MANBA: variants seen among roughly 807,000 people sequenced by gnomAD.
MANBA encodes mannosidase beta.
In MANBA, 83 loss-of-function variants were observed where a neutral mutation model predicts 111.1. The observed-to-expected ratio is 0.75, with a 90% confidence interval of 0.63 to 0.90. The LOEUF is 0.90. Ranked by LOEUF, MANBA falls within the 40% of genes least tolerant of loss-of-function variation. The pLI is 0.00. For synonymous variants in MANBA, 370 were observed against 378.7 expected, an observed-to-expected ratio of 0.98 and a Z score of 0.27; for missense variants, 1,036 against 1,069.0, an observed-to-expected ratio of 0.97 and a Z score of 0.43.
intron 5 of MANBA, among the ~76,000 whole-genome samples, chr4:102,704,369 A>G (rs1456343680): frequency 6.6e-6 from 1 of 152,030 alleles, no homozygotes; most frequent in Non-Finnish European, 1.5e-5. Context: ...TGTAGAGACA[A>G]TGTCTGCTCA....
rs1731990326 is a variant in MANBA, at chr4:102,681,816, C to G, written c.961-7746G>C. 2.0e-5 allele frequency among the ~76,000 whole-genome samples: 3 copies of G among 152,122 alleles called. No homozygotes were observed. In the South Asian group the frequency reaches 6.2e-4, roughly 31 times the overall value. The stretch of plus-strand genomic sequence containing the variant: ...TTGCTTTCAAAATGACTGTATGAAG[C>G]TGAATCTTCATGTATCCGGGAATGA... On this transcript the variant is annotated intron_variant, in intron 7 of 16. Transcript: ENST00000647097.
intron 5 of MANBA, 79 bp downstream of exon 5, chr4:102,714,359 C>G: frequency 7.5e-7 from 1 of 1,325,562 alleles, no homozygotes; most frequent in Non-Finnish European, 1.1e-6. Flanking sequence ...GAAAAACATA[C>G]CTCTGTATTT....
intron 5 of MANBA, among the ~76,000 whole-genome samples, chr4:102,709,574 A>AGAACTAATACCAATTCCACAC: frequency 6.6e-6 from 1 of 152,200 alleles, no homozygotes; most frequent in Non-Finnish European, 1.5e-5. Flanking sequence ...GTTACAACGA[A>AGAACTAATACCAATTCCACAC]GAACTAATAC....
Position 102,631,486 on chromosome 4 carries a change from T to C in MANBA, c.*571A>G, listed in dbSNP as rs1183905766. On this transcript the variant is annotated 3_prime_UTR_variant, in exon 17 of 17. Transcript: ENST00000647097. ...ACGGTTAAATAAGCCACAGATGAAA[T>C]ATCAAGTTGTCAATGTAATTTATAT... 2.8e-6 allele frequency: 1 copy of C among 351,082 alleles called. No homozygotes were observed. The highest frequency in any genetic ancestry group is 5.0e-6 in the Non-Finnish European group (1 of 198,426). 21.7% of individuals were successfully genotyped at this position (351,082 alleles called of 1,614,324 possible). A position where few individuals can be genotyped will look rare whatever the true frequency, so the allele number is the denominator to read the frequency against.
intron 5 of MANBA, among the ~76,000 whole-genome samples, chr4:102,691,655 G>C (rs1482567809): frequency 2.0e-5 from 3 of 151,866 alleles, no homozygotes; most frequent in South Asian, 2.1e-4. Context: ...ATAGGCATGT[G>C]CCACTCACCT....
intron 7 of MANBA, among the ~76,000 whole-genome samples, chr4:102,680,087 C>G (rs1731895273): frequency 6.6e-6 from 1 of 152,216 alleles, no homozygotes; most frequent in African/African-American, 2.4e-5. Flanking sequence ...ATGTGGATTT[C>G]TCTGAGCAAT....
At chr4:102,706,271 T>C (rs1578922303) in intron 5 of MANBA, among the ~76,000 whole-genome samples, 1 of 152,128 alleles carries the variant, frequency 6.6e-6, no homozygotes, top group Non-Finnish European at 1.5e-5. Context: ...GATGACCCCA[T>C]CCCCAGCAAA....
In MANBA at chr4:102,664,831, G is replaced by A. The variant is rs755785845; in HGVS notation, c.1339C>T (p.Pro447Ser). 18 of 1,606,784 alleles carry A rather than the reference G, an allele frequency of 1.1e-5. No homozygotes were observed. In the East Asian group the frequency reaches 3.8e-4, roughly 34 times the overall value. ...TTGCCACTCCATATGATGATAGAAG[G>A]ATGAGATTTCAGTCTCTTGATCTGA... ...AYQIKRLKSH[P>S]SIIIWSGNNE... Residue 447 changes from proline (P) to serine (S), a missense_variant, in exon 11 of 17, where the codon CCT becomes TCT. By Grantham distance (74) the Pro-to-Ser change is moderately conservative (BLOSUM62 -1). Transcript: ENST00000647097.
chr4:102,760,921 G>A lies in MANBA; in HGVS notation c.-27C>T. On this transcript the variant is annotated 5_prime_UTR_variant, in exon 1 of 17. Transcript: ENST00000647097. ...TTGAGATCCCGCGCCACCGAGATGT[G>A]GAGAGATCGAAAGGCAGCGCTGCAA... 6.5e-7 allele frequency: 1 copy of A among 1,546,710 alleles called. No individual in the cohort carries two copies. The highest frequency in any genetic ancestry group is 8.7e-7 in the Non-Finnish European group (1 of 1,150,620).
chr4:102,641,978 A>G (rs989418549), intron 13 of MANBA, among the ~76,000 whole-genome samples: 16 of 151,868 alleles, frequency 1.1e-4, no homozygotes, highest in African/African-American at 3.6e-4. Context: ...GGCACAGTGC[A>G]GTACACTCCA....
intron 7 of MANBA, among the ~76,000 whole-genome samples, chr4:102,688,045 T>C (rs557728994): frequency 1.3e-5 from 2 of 152,288 alleles, no homozygotes; most frequent in South Asian, 2.1e-4. Flanking sequence ...AATACAGTCA[T>C]ATTAGCCTGA....
chr4:102,729,281 C>T (rs1335036124), intron 1 of MANBA: 1 of 752,928 alleles, frequency 1.3e-6, no homozygotes, highest in Non-Finnish European at 2.5e-6. Flanking sequence ...TGCAGGTCAT[C>T]CTCGTGCTTC....
chr4:102,667,489 G>A (rs886817015), intron 10 of MANBA: 1 of 152,142 alleles, frequency 6.6e-6, no homozygotes, highest in Non-Finnish European at 1.5e-5. Context: ...AGAGTGCACT[G>A]GGGAAAAGAT....
At chr4:102,733,096 A>G (rs1560804715) in intron 1 of MANBA, among the ~76,000 whole-genome samples, 1 of 152,226 alleles carries the variant, frequency 6.6e-6, no homozygotes, top group Non-Finnish European at 1.5e-5. Context: ...AAAGAGGCCA[A>G]TCTGAAAAAC....
chr4:102,651,084 C>T (rs1730312599), intron 12 of MANBA, among the ~76,000 whole-genome samples: 1 of 151,722 alleles, frequency 6.6e-6, no homozygotes, highest in African/African-American at 2.4e-5. Flanking sequence ...TTTGTCAAAA[C>T]TTAATAGAAT....
At chr4:102,642,705 A>G (rs1729936658) in intron 13 of MANBA, among the ~76,000 whole-genome samples, 1 of 152,218 alleles carries the variant, frequency 6.6e-6, no homozygotes, top group African/African-American at 2.4e-5. Context: ...GGTGAGAAGA[A>G]ATTGGATCAA....
intron 5 of MANBA, among the ~76,000 whole-genome samples, chr4:102,695,982 CT>C (rs1051116389): frequency 2.0e-5 from 3 of 152,032 alleles, no homozygotes; most frequent in Non-Finnish European, 2.9e-5. Context: ...AGTCCCAGCA[CT>C]TTGGTAGGCT....
At chr4:102,718,272 T>A (rs1722420714) in intron 4 of MANBA, among the ~76,000 whole-genome samples, 1 of 152,136 alleles carries the variant, frequency 6.6e-6, no homozygotes, top group Non-Finnish European at 1.5e-5. Context: ...GAGCTTTAGG[T>A]CCCTGTGAAT....
rs1412215813 is a variant in MANBA, at chr4:102,729,358, T to C, written c.178-2675A>G. On this transcript the variant is annotated intron_variant, in intron 1 of 16. Transcript: ENST00000647097. ...GCTCTCAGCCTTGGCCTGGCTGCAGTTGGCGATCTCCTCGTATGGTGCCTT... is the reference window on the plus strand; with the variant it reads ...GCTCTCAGCCTTGGCCTGGCTGCAGCTGGCGATCTCCTCGTATGGTGCCTT... 4.2e-5 allele frequency: 32 copies of C among 769,170 alleles called. 1 individual carries two copies. Among genetic ancestry groups the C allele is most frequent in the Admixed American group, 3.9e-4 (22 of 56,868 alleles). The allele number at this position is 769,170 out of a possible 1,614,324, so 47.6% of individuals were successfully genotyped here. A position where few individuals can be genotyped will look rare whatever the true frequency, so the allele number is the denominator to read the frequency against.
Sources: allele counts gnomAD v4.1 joint callset (sites outside exome capture counted in the v4.1 genomes callset), GRCh38; gene constraint gnomAD v4.1.1; transcripts MANE v1.5; gene names NCBI Gene and HGNC (gene_info 2026-07-23, HGNC 2026-07-21).